MAGI2: variants seen among roughly 807,000 people sequenced by gnomAD.
MAGI2 encodes membrane-associated guanylate kinase, WW and PDZ domain-containing protein 2.
Under a neutral mutation model 133.3 loss-of-function variants are expected in MAGI2, and 35 were observed. The observed-to-expected ratio is 0.26, with a 90% CI of 0.20 to 0.35. The LOEUF (loss-of-function observed/expected upper bound fraction) is 0.35. Ranked by LOEUF, MAGI2 falls within the 10% of genes least tolerant of loss-of-function variation. The pLI, the probability that MAGI2 is intolerant of heterozygous loss-of-function variation, is 1.00. For synonymous variants in MAGI2, 729 were observed against 710.6 expected (o/e 1.03, Z -0.41); for missense variants, 1,636 against 1,863.4 (o/e 0.88, Z 2.25).
chr7:78,372,947 GCTTTACCTCTGTAGTATA>G (rs2151272173), intron 6 of MAGI2, among the ~76,000 whole-genome samples: 1 of 152,008 alleles, frequency 6.6e-6, no homozygotes, highest in South Asian at 2.1e-4. Flanking sequence ...GAAGGGCACA[GCTTTACCTCTGTAGTATA>G]CTTGTCAAAA....
At chr7:78,098,453 C>T (rs893494511) in intron 20 of MAGI2, among the ~76,000 whole-genome samples, 3 of 152,258 alleles carry the variant, frequency 2.0e-5, no homozygotes, top group African/African-American at 7.2e-5. Flanking sequence ...TTCATTTTCA[C>T]TACTACATAA....
chr7:78,609,379 C>T (rs769415063), intron 3 of MAGI2, among the ~76,000 whole-genome samples: 5 of 152,136 alleles, frequency 3.3e-5, no homozygotes, highest in Non-Finnish European at 7.4e-5. Flanking sequence ...CTTCATACAA[C>T]AGGAAACACA....
chr7:78,842,428 T>G (rs892477228), intron 2 of MAGI2, among the ~76,000 whole-genome samples: 4 of 152,120 alleles, frequency 2.6e-5, no homozygotes, highest in African/African-American at 9.6e-5. Flanking sequence ...ATTTTTTTCT[T>G]CAGTCATCTG....
At chr7:78,334,670 GA>G (rs1789567806) in intron 9 of MAGI2, among the ~76,000 whole-genome samples, 1 of 152,182 alleles carries the variant, frequency 6.6e-6, no homozygotes, top group Non-Finnish European at 1.5e-5. Context: ...CAGTAGGTGA[GA>G]AAGGAATCTT....
At chr7:78,292,169 T>C (rs1054485634) in intron 9 of MAGI2, among the ~76,000 whole-genome samples, 1 of 151,734 alleles carries the variant, frequency 6.6e-6, no homozygotes, top group Non-Finnish European at 1.5e-5. Context: ...GACATGATTG[T>C]ATACTTAGAA....
intron 2 of MAGI2, among the ~76,000 whole-genome samples, chr7:78,655,994 AAAAG>A (rs1469235753): frequency 6.6e-6 from 1 of 150,660 alleles, no homozygotes; most frequent in African/African-American, 2.4e-5. Context: ...AAAAAAAAAA[AAAAG>A]AAAAAGAAAA....
chr7:78,188,502 T>A (rs564781917), intron 12 of MAGI2, among the ~76,000 whole-genome samples: 1 of 152,304 alleles, frequency 6.6e-6, no homozygotes, highest in African/African-American at 2.4e-5. Flanking sequence ...AATGATAACA[T>A]TGTTACATCT....
intron 1 of MAGI2, among the ~76,000 whole-genome samples, chr7:79,057,927 C>G (rs1220205217): frequency 2.0e-5 from 3 of 150,098 alleles, no homozygotes; most frequent in South Asian, 4.2e-4. Flanking sequence ...AGTAACTATA[C>G]AAATTGTTCC....
At chr7:78,934,697 C>A (rs1257474084) in intron 2 of MAGI2, among the ~76,000 whole-genome samples, 1 of 151,956 alleles carries the variant, frequency 6.6e-6, no homozygotes, top group African/African-American at 2.4e-5. Flanking sequence ...AGATTTGAGT[C>A]CTTTCCCCAA....
At chr7:79,134,292 C>T (rs979016277) in intron 1 of MAGI2, among the ~76,000 whole-genome samples, 6 of 152,134 alleles carry the variant, frequency 3.9e-5, no homozygotes, top group South Asian at 2.1e-4. Flanking sequence ...TTGTTAAAAA[C>T]GCTCACAGGC....
At chr7:78,627,339 T>C (rs1808476879) in intron 2 of MAGI2, 100 bp from the exon 3 acceptor site, 2 of 1,128,614 alleles carry the variant, frequency 1.8e-6, no homozygotes. Context: ...GCCACTTGTT[T>C]GTACATCCTG....
At chr7:78,375,440 C>A (rs1041945800) in intron 6 of MAGI2, among the ~76,000 whole-genome samples, 1 of 151,924 alleles carries the variant, frequency 6.6e-6, no homozygotes, top group Admixed American at 6.6e-5. Context: ...GTGGGAAGAC[C>A]AGAATGGGCC....
chr7:78,908,484 T>C (rs1188009503), intron 2 of MAGI2, among the ~76,000 whole-genome samples: 1 of 152,306 alleles, frequency 6.6e-6, no homozygotes, highest in East Asian at 1.9e-4. Flanking sequence ...AGGATCCTGA[T>C]TGTGACCTAA....
At position 78,557,080 on chromosome 7, in the gene MAGI2, C is replaced by CAAAAAAAAAAAAAAAAAAAAA. The variant is rs796371005; in HGVS notation, c.539-35436_539-35435insTTTTTTTTTTTTTTTTTTTTT. ...TACTCCAGCCTGGGTGGCAGAGTCTCAAAAAAAAAAAAAAAAAAAAGAAAA... is the reference window on the plus strand; with the variant it reads ...TACTCCAGCCTGGGTGGCAGAGTCTCAAAAAAAAAAAAAAAAAAAAAAAAAAAAAAAAAAAAAAAAAGAAAA... On this transcript the variant is annotated intron_variant, in intron 3 of 21. Transcript: ENST00000354212. Among the ~76,000 whole-genome samples, 63 of 40,898 alleles carry CAAAAAAAAAAAAAAAAAAAAA rather than the reference C, an allele frequency of 1.5e-3. 3 individuals are homozygous for CAAAAAAAAAAAAAAAAAAAAA. Among genetic ancestry groups the CAAAAAAAAAAAAAAAAAAAAA allele is most frequent in the African/African-American group, 5.2e-3 (45 of 8,606 alleles). 26.8% of individuals were successfully genotyped at this position (40,898 alleles called of 152,430 possible).
At chr7:78,090,929 T>C (rs1817131918) in intron 20 of MAGI2, among the ~76,000 whole-genome samples, 1 of 152,190 alleles carries the variant, frequency 6.6e-6, no homozygotes, top group Non-Finnish European at 1.5e-5. Context: ...TACACTCTTA[T>C]TTATGATAGT....
intron 6 of MAGI2, among the ~76,000 whole-genome samples, chr7:78,388,454 G>T (rs549640017): frequency 6.6e-6 from 1 of 152,276 alleles, no homozygotes; most frequent in South Asian, 2.1e-4. Flanking sequence ...AAAGAAAAAG[G>T]CTTTCTGGAA....
At chr7:78,361,201 C>T (rs1792751590) in intron 7 of MAGI2, among the ~76,000 whole-genome samples, 1 of 152,030 alleles carries the variant, frequency 6.6e-6, no homozygotes, top group Non-Finnish European at 1.5e-5. Context: ...CAAGACCAGC[C>T]CGGCCAAGAT....
intron 2 of MAGI2, among the ~76,000 whole-genome samples, chr7:78,686,126 T>C (rs2151108220): frequency 6.6e-6 from 1 of 152,212 alleles, no homozygotes; most frequent in South Asian, 2.1e-4. Context: ...GTGATTTTTT[T>C]TTTCAAAGAA....
At chr7:78,032,031 T>TTC (rs1246091757) in intron 21 of MAGI2, among the ~76,000 whole-genome samples, 2 of 134,220 alleles carry the variant, frequency 1.5e-5, no homozygotes, top group Admixed American at 7.4e-5. Context: ...TTTTTTTTTT[T>TTC]ACAATTCCGG....
Sources: gnomAD v4.1 joint callset for allele counts (sites outside exome capture counted in the v4.1 genomes callset) on GRCh38, gnomAD v4.1.1 for gene constraint, MANE v1.5 for transcripts, NCBI Gene and HGNC (gene_info 2026-07-23, HGNC 2026-07-21) for gene names.